The following ROBO1 variants were observed in gnomAD, a reference collection of about 807,000 sequenced individuals.
ROBO1 encodes roundabout guidance receptor 1, also known as roundabout homolog 1.
A neutral mutation model predicts 195.9 loss-of-function variants in ROBO1; 149 were observed. That is an observed-to-expected ratio of 0.76 (90% CI 0.67 to 0.87). The LOEUF (loss-of-function observed/expected upper bound fraction) is 0.87, where lower values mean the gene tolerates loss of function less well. ROBO1 is among the 40% of genes least tolerant of loss of function. ROBO1 has a pLI of 0.00. For synonymous variants in ROBO1, 816 were observed against 733.2 expected (o/e 1.11, Z -1.82); for missense variants, 1,933 against 2,068.3 (o/e 0.93, Z 1.27).
rs547858291 is a variant in ROBO1 at position 79,456,116 on chromosome 3, T to C, written c.88+133708A>G. 5.9e-5 allele frequency among the ~76,000 whole-genome samples: 9 copies of C among 152,302 alleles called. No homozygotes were observed. In the South Asian group the frequency reaches 1.9e-3, roughly 32 times the overall value. ...ACCATACGTGTTAGTTTGATTCTCT[T>C]GATATAATGTCCTTCATTTCTACCA... On this transcript the variant is annotated intron_variant, in intron 2 of 30. Transcript: ENST00000464233.
intron 2 of ROBO1, among the ~76,000 whole-genome samples, chr3:79,342,710 G>A (rs926156754): frequency 6.6e-6 from 1 of 152,088 alleles, no homozygotes; most frequent in African/African-American, 2.4e-5. Context: ...CAGGGCTCGG[G>A]AAAAATAATG....
chr3:79,216,578 C>T (rs1031879694), intron 2 of ROBO1, among the ~76,000 whole-genome samples: 1 of 151,846 alleles, frequency 6.6e-6, no homozygotes, highest in Non-Finnish European at 1.5e-5. Flanking sequence ...CTGTGGAGTA[C>T]CTCCGAACAG....
At chr3:78,807,573 G>C (rs1229521556) in intron 4 of ROBO1, among the ~76,000 whole-genome samples, 1 of 152,156 alleles carries the variant, frequency 6.6e-6, no homozygotes, top group African/African-American at 2.4e-5. Context: ...AAAAGTAACA[G>C]TATTACAAGT....
rs912463429 is a variant in ROBO1, at chr3:78,668,401, G to A, written c.1630+83C>T. ...TATTCATACACCTACTCAGGGAAGA[G>A]GACATTTACTTCATCAATATCCCAG... On this transcript the variant is annotated intron_variant, in intron 12 of 30. Coordinates refer to ENST00000464233, the MANE Select transcript of ROBO1 (RefSeq NM_002941.4). 22 of 1,585,568 alleles carry A rather than the reference G, an allele frequency of 1.4e-5. 1 individual carries two copies. The highest frequency in any genetic ancestry group is 1.7e-4 in the Middle Eastern group (1 of 5,998).
chr3:78,967,069 G>A (rs1300823477), intron 3 of ROBO1, among the ~76,000 whole-genome samples: 2 of 152,136 alleles, frequency 1.3e-5, no homozygotes, highest in Admixed American at 6.6e-5. Context: ...TGTAATAAAT[G>A]CTAGGTATCC....
chr3:79,385,294 T>C (rs1362551422), intron 2 of ROBO1, among the ~76,000 whole-genome samples: 3 of 152,168 alleles, frequency 2.0e-5, no homozygotes, highest in South Asian at 2.1e-4. Flanking sequence ...TCCTGAATCC[T>C]ATGTCTCCTT....
chr3:78,640,002 T>C (rs1357809925), intron 21 of ROBO1, 104 bp from the exon 22 acceptor site: 2 of 919,438 alleles, frequency 2.2e-6, no homozygotes, highest in Admixed American at 2.8e-5. Context: ...TCACAAATCA[T>C]CTGATGAACT....
At chr3:79,174,791 G>T (rs115137614) in intron 2 of ROBO1, among the ~76,000 whole-genome samples, 5,263 of 150,986 alleles carry the variant, frequency 0.035, 115 homozygotes, top group Middle Eastern at 0.079. Flanking sequence ...GGGAGGCGGA[G>T]CTTGCAGTGA....
intron 29 of ROBO1, among the ~76,000 whole-genome samples, chr3:78,603,660 T>C (rs1435031738): frequency 6.6e-6 from 1 of 152,210 alleles, no homozygotes; most frequent in Non-Finnish European, 1.5e-5. Flanking sequence ...TCATTCATTA[T>C]ACACATAAAT....
intron 2 of ROBO1, among the ~76,000 whole-genome samples, chr3:79,344,205 A>G (rs1487857952): frequency 1.3e-5 from 2 of 152,162 alleles, no homozygotes; most frequent in Admixed American, 1.3e-4. Context: ...AGATGGAAGT[A>G]CCCTTCCAGA....
chr3:78,938,926 G>C lies in ROBO1; in HGVS notation c.174C>G (p.Gly58=), dbSNP rs1011172741. The C allele has an allele frequency of 6.3e-7, 1 of 1,596,840 alleles. No individual in the cohort carries two copies. The highest frequency in any genetic ancestry group is 8.5e-7 in the Non-Finnish European group (1 of 1,172,182). Residue 58 remains glycine, a splice_region_variant and synonymous_variant, in exon 4 of 31, where the codon GGC becomes GGG. Transcript: ENST00000464233. The part of the protein sequence containing the change: ...DNDDNSLGYT[G]SRLRQEDFPP... ...GAAAATCTTCCTGACGAAGACGGGA[G>C]CCTGCAGAAGAATTCACAAAATATC... is the stretch of plus-strand genomic sequence containing the variant.
chr3:79,038,889 A>G (rs925931282), intron 3 of ROBO1, among the ~76,000 whole-genome samples: 16 of 152,248 alleles, frequency 1.1e-4, no homozygotes, highest in African/African-American at 3.8e-4. Context: ...GCCCAAATCA[A>G]GAGCAGAAAA....
chr3:79,685,449 T>C (rs1947074953), intron 1 of ROBO1, among the ~76,000 whole-genome samples: 1 of 152,208 alleles, frequency 6.6e-6, no homozygotes, highest in East Asian at 1.9e-4. Flanking sequence ...CTTTTAAGTG[T>C]TTTGTCAGCC....
intron 2 of ROBO1, among the ~76,000 whole-genome samples, chr3:79,272,334 C>T (rs1399712969): frequency 6.6e-6 from 1 of 151,960 alleles, no homozygotes; most frequent in African/African-American, 2.4e-5. Flanking sequence ...AAACCTAACA[C>T]AGCTGGGAGA....
intron 2 of ROBO1, among the ~76,000 whole-genome samples, chr3:79,283,410 A>T (rs1038198692): frequency 1.3e-5 from 2 of 152,202 alleles, no homozygotes; most frequent in African/African-American, 4.8e-5. Flanking sequence ...ATTTCCTTCA[A>T]TGGGTCTCAA....
chr3:78,776,277 A>C (rs2108454517), intron 4 of ROBO1, among the ~76,000 whole-genome samples: 1 of 152,076 alleles, frequency 6.6e-6, no homozygotes, highest in South Asian at 2.1e-4. Flanking sequence ...TTTAGGACAG[A>C]GTTTTGCTCT....
chr3:79,447,712 A>G (rs1358091866), intron 2 of ROBO1, among the ~76,000 whole-genome samples: 1 of 152,212 alleles, frequency 6.6e-6, no homozygotes, highest in Non-Finnish European at 1.5e-5. Context: ...AAACCAGTCC[A>G]TAAGTGTACT....
At chr3:79,745,930 C>A (rs1222102591) in intron 1 of ROBO1, among the ~76,000 whole-genome samples, 1 of 151,960 alleles carries the variant, frequency 6.6e-6, no homozygotes, top group African/African-American at 2.4e-5. Context: ...ATGTTCTCTT[C>A]ACGTAAAGGC....
At chr3:79,169,412 C>T (rs1264873897) in intron 2 of ROBO1, among the ~76,000 whole-genome samples, 1 of 152,102 alleles carries the variant, frequency 6.6e-6, no homozygotes, top group Non-Finnish European at 1.5e-5. Flanking sequence ...TAGGATTCCA[C>T]TTTATCCTAT....
Sources: gnomAD v4.1 joint callset for allele counts (sites outside exome capture counted in the v4.1 genomes callset) on GRCh38, gnomAD v4.1.1 for gene constraint, MANE v1.5 for transcripts, NCBI Gene and HGNC (gene_info 2026-07-23, HGNC 2026-07-21) for gene names.